Variants in GRIK1 observed in about 807,000 individuals in gnomAD.
The protein encoded by GRIK1 is glutamate ionotropic receptor kainate type subunit 1, also known as glutamate receptor ionotropic, kainate 1.
GRIK1 carries 69 observed loss-of-function variants against 105.7 expected under a neutral mutation model. The observed-to-expected ratio is 0.65, with a 90% CI of 0.54 to 0.80. The LOEUF (loss-of-function observed/expected upper bound fraction) is 0.80. Ranked by LOEUF, GRIK1 falls within the 30% of genes least tolerant of loss-of-function variation. GRIK1 has a pLI of 0.00. For missense variants in GRIK1, 1,109 were observed against 1,167.3 expected (o/e 0.95, Z 0.73); for synonymous variants, 438 against 431.3 (o/e 1.02, Z -0.19).
chr21:29,803,175 G>A lies in GRIK1; in HGVS notation c.119-109112C>T, dbSNP rs116349100. 2.7e-3 allele frequency among the ~76,000 whole-genome samples: 412 copies of A among 151,908 alleles called. 1 individual carries two copies. Among genetic ancestry groups the A allele is most frequent in the African/African-American group, 9.3e-3 (384 of 41,392 alleles). The stretch of plus-strand genomic sequence containing the variant: ...AAAGTAACCATAACTCCATCCTCCC[G>A]GCTGTTCCATGTTCTTCTATGTGAG... On this transcript the variant is annotated intron_variant, in intron 1 of 17. Coordinates refer to ENST00000327783, the MANE Select transcript of GRIK1 (RefSeq NM_001330994.2).
intron 7 of GRIK1, among the ~76,000 whole-genome samples, chr21:29,638,079 A>G (rs371588533): frequency 2.0e-5 from 3 of 152,302 alleles, no homozygotes; most frequent in African/African-American, 7.2e-5. Flanking sequence ...AGTGCTTATA[A>G]TATGTTTGGC....
chr21:29,803,343 G>A (rs1044361593), intron 1 of GRIK1, among the ~76,000 whole-genome samples: 4 of 152,094 alleles, frequency 2.6e-5, no homozygotes, highest in East Asian at 1.9e-4. Context: ...AAATGTTAAC[G>A]CATACATCTA....
chr21:29,674,636 A>G (rs2063231449), intron 3 of GRIK1, among the ~76,000 whole-genome samples: 1 of 152,032 alleles, frequency 6.6e-6, no homozygotes, highest in African/African-American at 2.4e-5. Context: ...TGGTTTAAAA[A>G]AGTGTGGCAC....
At chr21:29,592,524 G>A (rs1476831257) in intron 9 of GRIK1, among the ~76,000 whole-genome samples, 1 of 152,184 alleles carries the variant, frequency 6.6e-6, no homozygotes, top group Non-Finnish European at 1.5e-5. Context: ...CTATCTTTCT[G>A]TAGGCATTTA....
chr21:29,629,496 T>C (rs1297221908), intron 7 of GRIK1, among the ~76,000 whole-genome samples: 2 of 149,388 alleles, frequency 1.3e-5, no homozygotes, highest in Non-Finnish European at 3.0e-5. Context: ...TTTCTTTCTT[T>C]CTTTTTTTTT....
At chr21:29,649,804 G>T (rs574920050) in intron 6 of GRIK1, among the ~76,000 whole-genome samples, 1 of 152,234 alleles carries the variant, frequency 6.6e-6, no homozygotes, top group South Asian at 2.1e-4. Flanking sequence ...TCTTTTAGTG[G>T]TATATACCAA....
At chr21:29,631,866 T>C (rs1043533385) in intron 7 of GRIK1, among the ~76,000 whole-genome samples, 4 of 152,204 alleles carry the variant, frequency 2.6e-5, no homozygotes, top group African/African-American at 9.7e-5. Context: ...ACATTATCTT[T>C]TTATTGGACA....
chr21:29,642,954 T>A lies in GRIK1; in HGVS notation c.970A>T (p.Met324Leu). 6.2e-7 allele frequency: 1 copy of A among 1,614,048 alleles called. No homozygotes were observed. Among genetic ancestry groups the A allele is most frequent in the Non-Finnish European group, 8.5e-7 (1 of 1,179,966 alleles). The change falls in exon 7 of 18, where the codon ATG becomes TTG. Residue 324 changes from methionine (M) to leucine (L), a missense_variant. By Grantham distance (15) the Met-to-Leu change is conservative (BLOSUM62 2). This residue lies in a region of GRIK1 where 612 missense variants were observed against 586.0 expected (regional missense o/e 1.04). Transcript: ENST00000327783. Reference protein sequence around the residue: ...DGMMTTEAALMYDAVYMVAIA... With the variant: ...DGMMTTEAALLYDAVYMVAIA... ...GCCACCATGTACACAGCATCGTACA[T>A]CAGAGCCGCTTCAGTCTGTGGAGGA...
chr21:29,541,904 A>C (rs1219935550), intron 16 of GRIK1, among the ~76,000 whole-genome samples: 1 of 152,078 alleles, frequency 6.6e-6, no homozygotes, highest in Non-Finnish European at 1.5e-5. Flanking sequence ...GTGCTTATGA[A>C]CCATCTATTA....
intron 1 of GRIK1, among the ~76,000 whole-genome samples, chr21:29,908,215 T>A (rs899931589): frequency 2.0e-5 from 3 of 147,148 alleles, no homozygotes; most frequent in Non-Finnish European, 4.5e-5. Context: ...CTTACTCTTA[T>A]AATTTTATTT....
intron 1 of GRIK1, among the ~76,000 whole-genome samples, chr21:29,799,521 T>G (rs553812553): frequency 6.6e-6 from 1 of 151,582 alleles, no homozygotes; most frequent in South Asian, 2.1e-4. Context: ...TGTTTTCATT[T>G]GTTTTTTGTT....
In GRIK1 at chr21:29,876,112, A is replaced by ATGTGTGTGTG. The variant is rs1555903193; in HGVS notation, c.118+63261_118+63270dup. ...ACAATCCCAAGGGGAGGAGATAGAT[A>ATGTGTGTGTG]TGTGTGTGTGTGTGTGTGTGTGTGT... On this transcript the variant is annotated intron_variant, in intron 1 of 17. Transcript: ENST00000327783. Among the ~76,000 whole-genome samples, 1,048 of 149,078 alleles carry ATGTGTGTGTG rather than the reference A, an allele frequency of 7.0e-3. 10 individuals carry two copies. The highest frequency in any genetic ancestry group is 0.025 in the African/African-American group (1,016 of 40,258).
chr21:29,883,803 C>T (rs2069511590), intron 1 of GRIK1, among the ~76,000 whole-genome samples: 2 of 151,964 alleles, frequency 1.3e-5, no homozygotes, highest in South Asian at 4.1e-4. Flanking sequence ...TTAGAACAGA[C>T]ACATTTCAAA....
chr21:29,608,562 C>T (rs947366240), intron 7 of GRIK1, among the ~76,000 whole-genome samples: 2 of 151,994 alleles, frequency 1.3e-5, no homozygotes, highest in African/African-American at 2.4e-5. Flanking sequence ...TATTTTCTCT[C>T]TTTTAAAATG....
intron 3 of GRIK1, among the ~76,000 whole-genome samples, chr21:29,683,278 G>C (rs2063416982): frequency 6.6e-6 from 1 of 152,036 alleles, no homozygotes; most frequent in African/African-American, 2.4e-5. Flanking sequence ...CCCATTACTG[G>C]GTATATATCC....
Position 29,879,493 on chromosome 21 carries a change from T to C in GRIK1, c.118+59890A>G, listed in dbSNP as rs562933674. 3.9e-5 allele frequency among the ~76,000 whole-genome samples: 6 copies of C among 152,282 alleles called. No individual in the cohort carries two copies. The East Asian group carries it at 1.2e-3, about 29-fold the overall frequency. On this transcript the variant is annotated intron_variant, in intron 1 of 17. Transcript: ENST00000327783. ...CTAGATAGCTAGGTATGCATTTAAA[T>C]GTACCTAAGTATATCTGACCACTTT... is the stretch of plus-strand genomic sequence containing the variant.
In GRIK1 at chr21:29,799,033, A is replaced by T. The variant is rs2268211; in HGVS notation, c.119-104970T>A. On this transcript the variant is annotated intron_variant, in intron 1 of 17. Coordinates refer to ENST00000327783, the MANE Select transcript of GRIK1 (RefSeq NM_001330994.2). ...ATACTATCTCAGAGAACACCTGAGA[A>T]CTGTAAACATTGCCTGGAATTGTCA... 3.3e-5 allele frequency among the ~76,000 whole-genome samples: 5 copies of T among 152,344 alleles called. No individual in the cohort carries two copies. The East Asian group carries it at 9.6e-4, about 29-fold the overall frequency.
rs188119715 is a variant in GRIK1 at position 29,715,058 on chromosome 21, T to C, written c.119-20995A>G. On this transcript the variant is annotated intron_variant, in intron 1 of 17. Transcript: ENST00000327783. Reference sequence around the variant, plus strand: ...TGATATTGGATGAACTCTTAAATGATCTGGGGAACTGAAGATCACTAACCA... The same window carrying C: ...TGATATTGGATGAACTCTTAAATGACCTGGGGAACTGAAGATCACTAACCA... 1.2e-3 allele frequency among the ~76,000 whole-genome samples: 188 copies of C among 152,316 alleles called. 1 individual carries two copies. Among genetic ancestry groups the C allele is most frequent in the African/African-American group, 4.3e-3 (179 of 41,572 alleles).
At chr21:29,853,815 A>G (rs898558501) in intron 1 of GRIK1, among the ~76,000 whole-genome samples, 1 of 152,250 alleles carries the variant, frequency 6.6e-6, no homozygotes, top group African/African-American at 2.4e-5. Flanking sequence ...GGAAGAAGCA[A>G]GACAATAAAC....
Sources: gnomAD v4.1 joint callset for allele counts (sites outside exome capture counted in the v4.1 genomes callset) on GRCh38, gnomAD v4.1.1 for gene constraint, gnomAD v4.1.1 regional missense constraint, MANE v1.5 for transcripts, NCBI Gene and HGNC (gene_info 2026-07-23, HGNC 2026-07-21) for gene names.